Variants in PPM1A observed in about 807,000 individuals in gnomAD.
PPM1A encodes protein phosphatase 1A.
A neutral mutation model predicts 35.0 loss-of-function variants in PPM1A; 7 were observed. That is an observed-to-expected ratio of 0.20 (90% CI 0.11 to 0.38). The LOEUF (loss-of-function observed/expected upper bound fraction) is 0.38. Among genes scored for constraint, PPM1A ranks in the 10% least tolerant of loss-of-function variants. The pLI, the probability that PPM1A is intolerant of heterozygous loss-of-function variation, is 1.00. For synonymous variants in PPM1A, 153 were observed against 167.3 expected (o/e 0.91, Z 0.66); for missense variants, 239 against 467.8 (o/e 0.51, Z 4.51).
chr14:60,259,049 G>C (rs1327911890), intron 1 of PPM1A, among the ~76,000 whole-genome samples: 1 of 152,068 alleles, frequency 6.6e-6, no homozygotes, highest in African/African-American at 2.4e-5. Context: ...TAGGAGGTAG[G>C]TGGTTACACA....
At chr14:60,257,757 T>G (rs1431664937) in intron 1 of PPM1A, among the ~76,000 whole-genome samples, 1 of 152,178 alleles carries the variant, frequency 6.6e-6, no homozygotes, top group Non-Finnish European at 1.5e-5. Flanking sequence ...TGTGCTTACC[T>G]TTATTACCAA....
upstream of PPM1A, among the ~76,000 whole-genome samples, chr14:60,248,993 G>C (rs1001118624): frequency 6.6e-6 from 1 of 152,168 alleles, no homozygotes; most frequent in South Asian, 2.1e-4. Flanking sequence ...CAAAGGCGGC[G>C]GCAGCAGCAG....
intron 1 of PPM1A, among the ~76,000 whole-genome samples, chr14:60,270,138 G>A (rs1884910879): frequency 6.6e-6 from 1 of 152,008 alleles, no homozygotes; most frequent in African/African-American, 2.4e-5. Flanking sequence ...CTTGCATACT[G>A]GATGATTTTT....
upstream of PPM1A, among the ~76,000 whole-genome samples, chr14:60,247,007 A>G (rs1011748169): frequency 9.9e-5 from 15 of 152,212 alleles, no homozygotes; most frequent in Admixed American, 9.2e-4. Flanking sequence ...CAAGTTTTCT[A>G]TGGTCCACTA....
chr14:60,269,119 G>C (rs1884760809), intron 1 of PPM1A, among the ~76,000 whole-genome samples: 1 of 151,914 alleles, frequency 6.6e-6, no homozygotes, highest in African/African-American at 2.4e-5. Flanking sequence ...TTTAAAACAT[G>C]GCTCTTATTC....
rs189663563 is a variant in PPM1A, at chr14:60,259,756, T to C, written c.-21+10079T>C. ...TGTCTTTTTAGTATTTTGCTTGTAC[T>C]ATAATTGTAGTGAAAATAGGTCAGT... On this transcript the variant is annotated intron_variant, in intron 1 of 5. Transcript: ENST00000395076. 1.0e-3 allele frequency among the ~76,000 whole-genome samples: 159 copies of C among 152,250 alleles called. 1 individual carries two copies. The highest frequency in any genetic ancestry group is 3.8e-3 in the African/African-American group (157 of 41,594).
chr14:60,274,672 G>C (rs529648296), intron 1 of PPM1A, among the ~76,000 whole-genome samples: 1 of 151,294 alleles, frequency 6.6e-6, no homozygotes, highest in Non-Finnish European at 1.5e-5. Context: ...TCATTGAAAT[G>C]GTTCACTCAT....
Position 60,294,631 on chromosome 14 carries a change from A to G in PPM1A, c.*2149A>G. On this transcript the variant is annotated 3_prime_UTR_variant, in exon 6 of 6. Coordinates refer to ENST00000395076, the MANE Select transcript of PPM1A (RefSeq NM_021003.5). ...TGCAAAACTTTGAACTGGACTGTGT[A>G]ATCTTTTGAGATGCAAAACTTAAGT... is the stretch of plus-strand genomic sequence containing the variant. 1 of 151,862 alleles carries G rather than the reference A, an allele frequency of 6.6e-6. No homozygotes were observed. Among genetic ancestry groups the G allele is most frequent in the East Asian group, 1.9e-4 (1 of 5,192 alleles). The allele number at this position is 151,862 out of a possible 1,614,324, so 9.4% of individuals were successfully genotyped here.
chr14:60,294,518 G>T lies in PPM1A; in HGVS notation c.*2036G>T, dbSNP rs1184350014. On this transcript the variant is annotated 3_prime_UTR_variant, in exon 6 of 6. Coordinates refer to ENST00000395076, the MANE Select transcript of PPM1A (RefSeq NM_021003.5). ...TGCTTCTAGTATAGACTAATTACCA[G>T]ACATACTGGTACTGAAAGCTAAATC... 1 of 151,838 alleles carries T rather than the reference G, an allele frequency of 6.6e-6. No homozygotes were observed. Among genetic ancestry groups the T allele is most frequent in the Non-Finnish European group, 1.5e-5 (1 of 67,844 alleles). The allele number at this position is 151,838 out of a possible 1,614,324, so 9.4% of individuals were successfully genotyped here.
At position 60,283,594 on chromosome 14, in the gene PPM1A, C is replaced by A; in HGVS notation, c.834+57C>A. On this transcript the variant is annotated intron_variant, in intron 2 of 5. Coordinates refer to ENST00000395076, the MANE Select transcript of PPM1A (RefSeq NM_021003.5). This position sits in a 1 kb window ranked among gnomAD's most constrained non-coding sequence, Gnocchi z 6.3. ...ATTTTATGCCATATTAATCACTACT[C>A]TAGTATTTAATCATCTTAGAATCTG... The A allele has an allele frequency of 2.0e-6, 3 of 1,487,570 alleles. No individual in the cohort carries two copies. Among genetic ancestry groups the A allele is most frequent in the Non-Finnish European group, 2.7e-6 (3 of 1,110,040 alleles). The allele number at this position is 1,487,570 out of a possible 1,614,324, so 92.1% of individuals were successfully genotyped here. A position where few individuals can be genotyped will look rare whatever the true frequency, so the allele number is the denominator to read the frequency against.
At chr14:60,261,232 C>G (rs1007728647) in intron 1 of PPM1A, among the ~76,000 whole-genome samples, 1 of 151,964 alleles carries the variant, frequency 6.6e-6, no homozygotes, top group Non-Finnish European at 1.5e-5. Flanking sequence ...GTGATAAGAG[C>G]AGGATTAGAA....
At chr14:60,259,615 A>G (rs923084255) in intron 1 of PPM1A, among the ~76,000 whole-genome samples, 2 of 152,098 alleles carry the variant, frequency 1.3e-5, no homozygotes, top group Admixed American at 1.3e-4. Context: ...GATAACTTGG[A>G]TAAGACAAGT....
intron 1 of PPM1A, among the ~76,000 whole-genome samples, chr14:60,252,889 C>CT (rs1882610505): frequency 6.6e-6 from 1 of 152,154 alleles, no homozygotes; most frequent in Non-Finnish European, 1.5e-5. Flanking sequence ...TATCCATGTA[C>CT]TACCTAGATA....
intron 1 of PPM1A, among the ~76,000 whole-genome samples, chr14:60,253,842 T>C (rs998485215): frequency 5.3e-5 from 8 of 152,168 alleles, no homozygotes; most frequent in African/African-American, 1.9e-4. Flanking sequence ...TAGAGCCACA[T>C]TGAAGGGCCC....
chr14:60,246,159 C>T, upstream of PPM1A: 1 of 1,023,918 alleles, frequency 9.8e-7, no homozygotes, highest in East Asian at 2.6e-5. Context: ...AAATACTAGC[C>T]TCCTGAGGGG....
At chr14:60,251,189 A>G (rs1008740948) in intron 1 of PPM1A, among the ~76,000 whole-genome samples, 4 of 152,244 alleles carry the variant, frequency 2.6e-5, no homozygotes, top group African/African-American at 4.8e-5. Flanking sequence ...ACATTATTGA[A>G]ACTATAATGA....
In PPM1A at chr14:60,297,693, G is replaced by A. The variant is rs1007350566; in HGVS notation, c.*5211G>A. 3 of 151,640 alleles carry A rather than the reference G, an allele frequency of 2.0e-5. No homozygotes were observed. The highest frequency in any genetic ancestry group is 4.8e-5 in the African/African-American group (2 of 41,384). 9.4% of individuals were successfully genotyped at this position (151,640 alleles called of 1,614,324 possible). On this transcript the variant is annotated 3_prime_UTR_variant, in exon 6 of 6. Coordinates refer to ENST00000395076, the MANE Select transcript of PPM1A (RefSeq NM_021003.5). Reference sequence around the variant, plus strand: ...GTAAGTTAGATTGATGTAAGAGATCGGGTAGCTGCGGAACAAAATTAGTTA... The same window carrying A: ...GTAAGTTAGATTGATGTAAGAGATCAGGTAGCTGCGGAACAAAATTAGTTA...
In PPM1A at chr14:60,297,507, A is replaced by G. The variant is rs1363588457; in HGVS notation, c.*5025A>G. 2 of 151,634 alleles carry G rather than the reference A, an allele frequency of 1.3e-5. No homozygotes were observed. Among genetic ancestry groups the G allele is most frequent in the African/African-American group, 2.4e-5 (1 of 41,382 alleles). The allele number at this position is 151,634 out of a possible 1,614,324, so 9.4% of individuals were successfully genotyped here. ...TCTTCACTAGAAAACCCAACCCTTC[A>G]TTTCTTTTCATTGCTCCAAAACCCA... On this transcript the variant is annotated 3_prime_UTR_variant, in exon 6 of 6. Transcript: ENST00000395076.
At chr14:60,280,264 A>G (rs6573303) in intron 1 of PPM1A, among the ~76,000 whole-genome samples, 4,033 of 152,260 alleles carry the variant, frequency 0.026, 160 homozygotes, top group African/African-American at 0.091. Flanking sequence ...TCGGCCTCCT[A>G]AAGTGCTGGG....
Sources: allele counts gnomAD v4.1 joint callset (sites outside exome capture counted in the v4.1 genomes callset), GRCh38; gene constraint gnomAD v4.1.1; non-coding constraint Gnocchi (gnomAD v3.1); transcripts MANE v1.5; gene names NCBI Gene and HGNC (gene_info 2026-07-23, HGNC 2026-07-21).